Variants in EFR3B observed in about 807,000 individuals in gnomAD.
The protein encoded by EFR3B is EFR3 homolog B, also known as protein EFR3 homolog B.
In EFR3B, 64 loss-of-function variants were observed where a neutral mutation model predicts 104.7. The ratio of observed to expected loss-of-function variants is 0.61; its 90% CI spans 0.50 to 0.75. EFR3B has a LOEUF of 0.75. EFR3B is among the 30% of genes least tolerant of loss of function. EFR3B has a pLI of 0.00. For missense variants in EFR3B, 750 were observed against 1,078.5 expected, an observed-to-expected ratio of 0.70 and a Z score of 4.27; for synonymous variants, 385 against 417.9, an observed-to-expected ratio of 0.92 and a Z score of 0.96.
intron 19 of EFR3B, 71 bp downstream of exon 19, chr2:25,145,122 C>G (rs560580629): frequency 7.2e-7 from 1 of 1,384,634 alleles, no homozygotes; most frequent in East Asian, 2.5e-5. Flanking sequence ...CCAGGCTCCC[C>G]TGCCTGCATA....
rs567803223 is a variant in EFR3B at position 25,128,932 on chromosome 2, G to A, written c.635+600G>A. Among the ~76,000 whole-genome samples the A allele has an allele frequency of 2.6e-5, 3 of 113,586 alleles. No homozygotes were observed. The East Asian group carries it at 9.0e-4, about 34-fold the overall frequency. 74.5% of individuals were successfully genotyped at this position (113,586 alleles called of 152,430 possible). A position where few individuals can be genotyped will look rare whatever the true frequency, so the allele number is the denominator to read the frequency against. On this transcript the variant is annotated intron_variant, in intron 6 of 22. Coordinates refer to ENST00000403714, the MANE Select transcript of EFR3B (RefSeq NM_014971.2). The stretch of plus-strand genomic sequence containing the variant: ...CCGAGATCGCGCCGCTGCACTTACA[G>A]CCTGGGCGACGGAGCGAGACTCCGT...
At chr2:25,065,885 G>C (rs1362438309) in intron 1 of EFR3B, among the ~76,000 whole-genome samples, 1 of 152,042 alleles carries the variant, frequency 6.6e-6, no homozygotes, top group African/African-American at 2.4e-5. Context: ...ACCCTCTGCT[G>C]TCTCCTGCCT....
chr2:25,151,922 G>T lies in EFR3B; in HGVS notation c.2200G>T (p.Val734Leu). The T allele has an allele frequency of 6.4e-7, 1 of 1,551,746 alleles. No individual in the cohort carries two copies. Among genetic ancestry groups the T allele is most frequent in the Non-Finnish European group, 8.7e-7 (1 of 1,146,990 alleles). ...ETLKKAIVDS[V>L]AVEEQERERR... ...AGCTCTCTGTGTCGAAGTGGACAGC[G>T]TAGCAGTGGAGGAGCAGGAGCGTGA... The change falls in exon 21 of 23, where the codon GTA becomes TTA. Residue 734 changes from valine (V) to leucine (L), a missense_variant. Val to Leu is a conservative substitution (Grantham distance 32). Transcript: ENST00000403714.
At chr2:25,090,521 A>C (rs1669082916) in intron 1 of EFR3B, among the ~76,000 whole-genome samples, 1 of 152,228 alleles carries the variant, frequency 6.6e-6, no homozygotes. Flanking sequence ...TTAGCTTTAC[A>C]CAAACATACC....
In EFR3B at chr2:25,103,662, T is replaced by C; in HGVS notation, c.238T>C (p.Leu80=). The change falls in exon 4 of 23, where the codon TTG becomes CTG. Residue 80 remains leucine, a synonymous_variant. Coordinates refer to ENST00000403714, the MANE Select transcript of EFR3B (RefSeq NM_014971.2). The part of the protein sequence containing the change: ...YGYVCIAMEA[L]DQLLMACHCQ... Reference sequence around the variant, plus strand: ...GTACGTGTGCATTGCTATGGAGGCTTTGGACCAGCTGCTCATGGCCTGCCA... The same window carrying C: ...GTACGTGTGCATTGCTATGGAGGCTCTGGACCAGCTGCTCATGGCCTGCCA... 1 of 1,551,570 alleles carries C rather than the reference T, an allele frequency of 6.4e-7. No homozygotes were observed. Among genetic ancestry groups the C allele is most frequent in the African/African-American group, 1.4e-5 (1 of 73,168 alleles).
chr2:25,118,201 G>C (rs1226672715), intron 4 of EFR3B, among the ~76,000 whole-genome samples: 1 of 152,228 alleles, frequency 6.6e-6, no homozygotes, highest in East Asian at 1.9e-4. Flanking sequence ...GGCTGGTCTC[G>C]AACTCCTGAC....
At chr2:25,054,262 C>T (rs1441607021) in intron 1 of EFR3B, among the ~76,000 whole-genome samples, 2 of 152,128 alleles carry the variant, frequency 1.3e-5, no homozygotes, top group African/African-American at 4.8e-5. Context: ...TGTCTATGTA[C>T]ATGGACTTAT....
In EFR3B at chr2:25,130,719, C is replaced by T; in HGVS notation, c.849+89C>T. 1 of 1,217,932 alleles carries T rather than the reference C, an allele frequency of 8.2e-7. No individual in the cohort carries two copies. Among genetic ancestry groups the T allele is most frequent in the South Asian group, 1.3e-5 (1 of 76,824 alleles). The allele number at this position is 1,217,932 out of a possible 1,614,324, so 75.4% of individuals were successfully genotyped here. A position where few individuals can be genotyped will look rare whatever the true frequency, so the allele number is the denominator to read the frequency against. On this transcript the variant is annotated intron_variant, in intron 8 of 22. Coordinates refer to ENST00000403714, the MANE Select transcript of EFR3B (RefSeq NM_014971.2). This position sits in a 1 kb window ranked among gnomAD's most constrained non-coding sequence, Gnocchi z 4.6. ...TGCTAAAATAGAAAGCCAGAAGTCC[C>T]CTGTGACTCCTCCGAAGCCCCCAGT...
chr2:25,054,506 A>T (rs1405649892), intron 1 of EFR3B, among the ~76,000 whole-genome samples: 1 of 152,028 alleles, frequency 6.6e-6, no homozygotes, highest in African/African-American at 2.4e-5. Flanking sequence ...TATTTTTAGT[A>T]GAGACGGGGT....
intron 1 of EFR3B, among the ~76,000 whole-genome samples, chr2:25,079,156 C>T (rs1441917254): frequency 6.6e-6 from 1 of 152,186 alleles, no homozygotes; most frequent in African/African-American, 2.4e-5. Flanking sequence ...ACATTTAATG[C>T]AGCACAGGTC....
At position 25,157,970 on chromosome 2, in the gene EFR3B, G is replaced by A. The variant is rs894637914; in HGVS notation, c.*3630G>A. Reference sequence around the variant, plus strand: ...GGATGAGCAGGAAAAGAGGAGGCCTGGACTCACTGAAGTACTTGAAGAAGC... The same window carrying A: ...GGATGAGCAGGAAAAGAGGAGGCCTAGACTCACTGAAGTACTTGAAGAAGC... On this transcript the variant is annotated 3_prime_UTR_variant, in exon 23 of 23. Coordinates refer to ENST00000403714, the MANE Select transcript of EFR3B (RefSeq NM_014971.2). 1.2e-4 allele frequency: 18 copies of A among 152,296 alleles called. No homozygotes were observed. Among genetic ancestry groups the A allele is most frequent in the African/African-American group, 3.9e-4 (16 of 41,440 alleles). The allele number at this position is 152,296 out of a possible 1,614,324, so 9.4% of individuals were successfully genotyped here.
Position 25,133,721 on chromosome 2 carries a change from C to T in EFR3B, c.1311+287C>T, listed in dbSNP as rs913140809. Among the ~76,000 whole-genome samples the T allele has an allele frequency of 2.4e-4, 36 of 152,180 alleles. 1 individual carries two copies. Among genetic ancestry groups the T allele is most frequent in the African/African-American group, 7.0e-4 (29 of 41,434 alleles). On this transcript the variant is annotated intron_variant, in intron 12 of 22. Coordinates refer to ENST00000403714, the MANE Select transcript of EFR3B (RefSeq NM_014971.2). ...CACTCAGACGTGATCTGTCTTGAGA[C>T]GGAATCTGTTGGTTCCCGCCCTGGT... is the stretch of plus-strand genomic sequence containing the variant.
intron 19 of EFR3B, 25 bp from the exon 20 acceptor site, chr2:25,149,669 A>G: frequency 6.4e-7 from 1 of 1,550,902 alleles, no homozygotes; most frequent in Non-Finnish European, 8.7e-7. Context: ...TGCCTTTCTG[A>G]GCATCTCTGT....
chr2:25,094,200 G>C (rs919059910), intron 3 of EFR3B, among the ~76,000 whole-genome samples: 7 of 145,782 alleles, frequency 4.8e-5, no homozygotes, highest in Non-Finnish European at 3.0e-5. Flanking sequence ...TGGGAGGATG[G>C]CTTGAGCCCA....
At chr2:25,077,247 G>T (rs1051258166) in intron 1 of EFR3B, among the ~76,000 whole-genome samples, 1 of 152,130 alleles carries the variant, frequency 6.6e-6, no homozygotes, top group African/African-American at 2.4e-5. Flanking sequence ...TCAGGATCCA[G>T]TCAAAAGATG....
At chr2:25,125,687 G>A (rs1408178896) in intron 5 of EFR3B, among the ~76,000 whole-genome samples, 3 of 152,184 alleles carry the variant, frequency 2.0e-5, no homozygotes, top group Non-Finnish European at 4.4e-5. Context: ...GGTGGCTCAC[G>A]CCTGTAATCC....
At chr2:25,045,705 C>T (rs183242357) in intron 1 of EFR3B, among the ~76,000 whole-genome samples, 2 of 152,140 alleles carry the variant, frequency 1.3e-5, no homozygotes, top group East Asian at 3.9e-4. Context: ...TCACTTGAAC[C>T]TGGGAGGCGG....
At chr2:25,147,201 A>G (rs1271497220) in intron 19 of EFR3B, 1 of 152,198 alleles carries the variant, frequency 6.6e-6, no homozygotes, top group Non-Finnish European at 1.5e-5. Flanking sequence ...TCTCTTGCCC[A>G]GAGAGCGGCA....
Position 25,131,266 on chromosome 2 carries a change from G to A in EFR3B, c.850-102G>A, listed in dbSNP as rs905116585. ...ACTGCAGTGCCCGGGGCCTTGGAAC[G>A]TCCCTTTAGTTTACCCCCGCCTTTG... On this transcript the variant is annotated intron_variant, in intron 8 of 22. Transcript: ENST00000403714. The surrounding 1 kb of genome is among the most constrained non-coding windows in gnomAD (Gnocchi z 7.6). 17 of 1,455,106 alleles carry A rather than the reference G, an allele frequency of 1.2e-5. No homozygotes were observed. Among genetic ancestry groups the A allele is most frequent in the African/African-American group, 1.4e-5 (1 of 71,046 alleles). 90.1% of individuals were successfully genotyped at this position (1,455,106 alleles called of 1,614,324 possible). A position where few individuals can be genotyped will look rare whatever the true frequency, so the allele number is the denominator to read the frequency against.
Sources: gnomAD v4.1 joint callset for allele counts (sites outside exome capture counted in the v4.1 genomes callset) on GRCh38, gnomAD v4.1.1 for gene constraint, Gnocchi (gnomAD v3.1) non-coding constraint, MANE v1.5 for transcripts, NCBI Gene and HGNC (gene_info 2026-07-23, HGNC 2026-07-21) for gene names.